PCSK5: variants seen among roughly 807,000 people sequenced by gnomAD.
The protein encoded by PCSK5 is prohormone convertase 5.
Under a neutral mutation model 233.2 loss-of-function variants are expected in PCSK5, and 129 were observed. That is an observed-to-expected ratio of 0.55 (90% CI 0.48 to 0.64). The LOEUF is 0.64. PCSK5 is among the 30% of genes least tolerant of loss of function. PCSK5 has a pLI of 0.00. For synonymous variants in PCSK5, 825 were observed against 879.2 expected, an observed-to-expected ratio of 0.94 and a Z score of 1.09; for missense variants, 2,076 against 2,430.1, an observed-to-expected ratio of 0.85 and a Z score of 3.06.
At chr9:76,264,072 A>G (rs368385395) in intron 24 of PCSK5, among the ~76,000 whole-genome samples, 1 of 152,220 alleles carries the variant, frequency 6.6e-6, no homozygotes, top group Admixed American at 6.5e-5. Flanking sequence ...TTAAAGCTAC[A>G]GTAACCAAAA....
intron 2 of PCSK5, among the ~76,000 whole-genome samples, chr9:75,943,845 T>C (rs190667275): frequency 6.6e-6 from 1 of 152,240 alleles, no homozygotes; most frequent in Non-Finnish European, 1.5e-5. Flanking sequence ...AATTTATACA[T>C]TCAGGTAAGA....
intron 30 of PCSK5, among the ~76,000 whole-genome samples, chr9:76,320,336 A>T (rs959307673): frequency 6.0e-5 from 9 of 150,858 alleles, no homozygotes; most frequent in Admixed American, 2.0e-4. Flanking sequence ...AGGCTGAGGC[A>T]GGAGAATCGC....
chr9:76,214,733 AT>A (rs938735097), intron 20 of PCSK5, among the ~76,000 whole-genome samples: 9 of 152,196 alleles, frequency 5.9e-5, no homozygotes, highest in African/African-American at 2.2e-4. Context: ...TGTTCTTATT[AT>A]TACTAATTCA....
At chr9:76,045,293 T>C (rs1175742118) in intron 5 of PCSK5, among the ~76,000 whole-genome samples, 2 of 152,206 alleles carry the variant, frequency 1.3e-5, no homozygotes, top group African/African-American at 4.8e-5. Context: ...TAGACTATGC[T>C]CTTCATCCTG....
chr9:76,175,864 A>G (rs1453837757), intron 14 of PCSK5, among the ~76,000 whole-genome samples: 5 of 152,222 alleles, frequency 3.3e-5, no homozygotes, highest in African/African-American at 1.2e-4. Flanking sequence ...TGAATTAAAT[A>G]CAACTGTCTT....
At chr9:76,259,991 A>ATTT (rs1827117685) in intron 24 of PCSK5, among the ~76,000 whole-genome samples, 1 of 152,178 alleles carries the variant, frequency 6.6e-6, no homozygotes, top group African/African-American at 2.4e-5. Flanking sequence ...TAGCCAGGAC[A>ATTT]GCTTTGCTTT....
chr9:76,231,609 T>A (rs1564123698), intron 21 of PCSK5, among the ~76,000 whole-genome samples: 2 of 152,172 alleles, frequency 1.3e-5, no homozygotes, highest in African/African-American at 4.8e-5. Context: ...AGATTTTGGG[T>A]TTTTTTGTTT....
At chr9:76,058,194 G>T (rs1465754562) in intron 5 of PCSK5, among the ~76,000 whole-genome samples, 1 of 152,118 alleles carries the variant, frequency 6.6e-6, no homozygotes, top group African/African-American at 2.4e-5. Flanking sequence ...GACACCAAGA[G>T]AATTTCTCTG....
chr9:76,139,368 C>T (rs1823108456), intron 10 of PCSK5, among the ~76,000 whole-genome samples: 2 of 152,188 alleles, frequency 1.3e-5, no homozygotes, highest in South Asian at 4.1e-4. Flanking sequence ...ATCTTCGCCA[C>T]CTACTATGCT....
chr9:75,923,019 G>C (rs1823321506), intron 1 of PCSK5, among the ~76,000 whole-genome samples: 1 of 152,174 alleles, frequency 6.6e-6, no homozygotes, highest in Non-Finnish European at 1.5e-5. Flanking sequence ...GTGAGGGCGA[G>C]GAGGTGAGAC....
At chr9:76,015,294 G>A (rs1827903025) in intron 3 of PCSK5, among the ~76,000 whole-genome samples, 1 of 152,260 alleles carries the variant, frequency 6.6e-6, no homozygotes, top group Non-Finnish European at 1.5e-5. Context: ...ACATTGTGTG[G>A]ACAGTTTTCT....
intron 2 of PCSK5, among the ~76,000 whole-genome samples, chr9:75,955,761 G>C (rs188354968): frequency 4.7e-4 from 71 of 152,006 alleles, no homozygotes; most frequent in East Asian, 1.6e-3. Flanking sequence ...TATCCATAAT[G>C]AGAGAAATTA....
intron 5 of PCSK5, among the ~76,000 whole-genome samples, chr9:76,063,344 T>C (rs1385638772): frequency 7.4e-6 from 1 of 135,992 alleles, no homozygotes; most frequent in African/African-American, 2.8e-5. Flanking sequence ...TTTTTTTTTT[T>C]TTTTATTGAT....
chr9:76,078,155 G>GT (rs1830704531), intron 7 of PCSK5, among the ~76,000 whole-genome samples: 1 of 152,110 alleles, frequency 6.6e-6, no homozygotes, highest in African/African-American at 2.4e-5. Flanking sequence ...TTGTTGAATT[G>GT]TTTAAGTTCC....
chr9:76,052,088 C>T (rs10114144), intron 5 of PCSK5, among the ~76,000 whole-genome samples: 9,619 of 152,166 alleles, frequency 0.063, 1,000 homozygotes, highest in African/African-American at 0.22. Context: ...CAGGTTAAAT[C>T]TGGAGTACTA....
At chr9:76,282,791 C>T (rs1043697247) in intron 24 of PCSK5, among the ~76,000 whole-genome samples, 1 of 152,088 alleles carries the variant, frequency 6.6e-6, no homozygotes, top group South Asian at 2.1e-4. Flanking sequence ...CCATAGTAGT[C>T]CCCAGTGTCT....
chr9:76,344,456 C>T (rs1829923450), intron 35 of PCSK5, among the ~76,000 whole-genome samples: 1 of 152,206 alleles, frequency 6.6e-6, no homozygotes, highest in South Asian at 2.1e-4. Context: ...ATTAGCCTTC[C>T]AAACAAACTG....
At chr9:76,214,434 T>C (rs947470828) in intron 20 of PCSK5, among the ~76,000 whole-genome samples, 5 of 152,074 alleles carry the variant, frequency 3.3e-5, no homozygotes, top group African/African-American at 1.2e-4. Flanking sequence ...AAAAAGGGTA[T>C]GTATAGCAAA....
intron 2 of PCSK5, among the ~76,000 whole-genome samples, chr9:75,981,299 C>T (rs1033489807): frequency 2.0e-5 from 3 of 152,138 alleles, no homozygotes; most frequent in Non-Finnish European, 2.9e-5. Context: ...GAGTAGAGGA[C>T]ACATTTAGTA....
Sources: gnomAD v4.1 joint callset for allele counts (sites outside exome capture counted in the v4.1 genomes callset) on GRCh38, gnomAD v4.1.1 for gene constraint, MANE v1.5 for transcripts, NCBI Gene and HGNC (gene_info 2026-07-23, HGNC 2026-07-21) for gene names.